Variants in DNAJB6 observed in about 807,000 individuals in gnomAD.
DNAJB6 encodes the protein dnaJ homolog subfamily B member 6.
Under a neutral mutation model 42.7 loss-of-function variants are expected in DNAJB6, and 16 were observed. That is an observed-to-expected ratio of 0.37 (90% CI 0.25 to 0.57). DNAJB6 has a LOEUF of 0.57. Among genes scored for constraint, DNAJB6 ranks in the 20% least tolerant of loss-of-function variants. The probability of loss-of-function intolerance (pLI) is 0.74; values close to 1 mark genes in which losing one functional copy is unlikely to be tolerated. For missense variants in DNAJB6, 347 were observed against 416.8 expected, an observed-to-expected ratio of 0.83 and a Z score of 1.46; for synonymous variants, 170 against 163.5, an observed-to-expected ratio of 1.04 and a Z score of -0.30.
intron 8 of DNAJB6, among the ~76,000 whole-genome samples, chr7:157,393,483 G>A (rs1216700546): frequency 6.6e-6 from 1 of 152,010 alleles, no homozygotes; most frequent in Admixed American, 6.5e-5. Flanking sequence ...CCTCTACATG[G>A]CACTGTTGGG....
intron 8 of DNAJB6, among the ~76,000 whole-genome samples, chr7:157,406,970 C>T (rs1182187265): frequency 1.3e-5 from 2 of 152,206 alleles, no homozygotes; most frequent in East Asian, 1.9e-4. Flanking sequence ...AGGCTGGACC[C>T]GCAGCCTGGC....
At chr7:157,361,511 C>T (rs528047887) in intron 2 of DNAJB6, among the ~76,000 whole-genome samples, 4 of 152,250 alleles carry the variant, frequency 2.6e-5, no homozygotes, top group East Asian at 3.9e-4. Context: ...GTATTCTGGA[C>T]TCCAGCTTTA....
intron 2 of DNAJB6, among the ~76,000 whole-genome samples, chr7:157,361,845 T>C (rs954895555): frequency 5.9e-5 from 9 of 152,238 alleles, no homozygotes; most frequent in Non-Finnish European, 1.2e-4. Flanking sequence ...GTTGGCTCAC[T>C]GCAACCTCTT....
At chr7:157,342,304 A>G (rs1362010976) in intron 1 of DNAJB6, among the ~76,000 whole-genome samples, 1 of 140,150 alleles carries the variant, frequency 7.1e-6, no homozygotes, top group Admixed American at 7.3e-5. Flanking sequence ...AGTAGCTGGG[A>G]TTACAGGCAC....
At chr7:157,364,967 AT>A (rs1799774339) in intron 3 of DNAJB6, among the ~76,000 whole-genome samples, 2 of 152,296 alleles carry the variant, frequency 1.3e-5, no homozygotes, top group South Asian at 2.1e-4. Flanking sequence ...CTTTTTAAAA[AT>A]TGAGAAGGGG....
intron 8 of DNAJB6, among the ~76,000 whole-genome samples, chr7:157,392,264 C>CGTG (rs1801383438): frequency 6.6e-6 from 1 of 151,928 alleles, no homozygotes. Flanking sequence ...GTGTCACCTG[C>CGTG]GTGTGCCTCT....
At chr7:157,396,709 G>A (rs1474821068) in intron 8 of DNAJB6, among the ~76,000 whole-genome samples, 2 of 152,124 alleles carry the variant, frequency 1.3e-5, no homozygotes, top group Non-Finnish European at 2.9e-5. Context: ...TGTAATTTCC[G>A]GCTTTCATAG....
chr7:157,367,426 G>C lies in DNAJB6; in HGVS notation c.289G>C (p.Asp97His). The change falls in exon 5 of 10, where the codon GAT becomes CAT. Residue 97 changes from aspartate to histidine, a missense_variant. Asp to His is a moderately conservative substitution (Grantham distance 81). This residue lies in a region of DNAJB6 where 5 missense variants were observed against 26.7 expected (regional missense o/e 0.19). Coordinates refer to ENST00000262177, the MANE Select transcript of DNAJB6 (RefSeq NM_058246.4). ...FEFGFTFRNP[D>H]DVFREFFGGR... ...ATTTGGCTTCACATTCCGTAACCCA[G>C]ATGATGTCTTCAGGGAATTTTTTGG... 1 of 1,613,946 alleles carries C rather than the reference G, an allele frequency of 6.2e-7. No individual in the cohort carries two copies. Among genetic ancestry groups the C allele is most frequent in the Non-Finnish European group, 8.5e-7 (1 of 1,179,810 alleles).
In DNAJB6 at chr7:157,346,316, TAAAA is replaced by T. The variant is rs60806134; in HGVS notation, c.-27+9190_-27+9193del. On this transcript the variant is annotated intron_variant, in intron 1 of 9. Transcript: ENST00000262177. The stretch of plus-strand genomic sequence containing the variant: ...GGTAGCCCTGCTCTGCAAGGAGTAG[TAAAA>T]AAAAAAAAAAAAAAAAAGTTAAAGA... Among the ~76,000 whole-genome samples the T allele has an allele frequency of 0.014, 1,623 of 117,710 alleles. 85 individuals carry two copies. In the East Asian group the frequency reaches 0.19, roughly 14 times the overall value. The allele number at this position is 117,710 out of a possible 152,430, so 77.2% of individuals were successfully genotyped here.
At chr7:157,400,375 T>TAGGGAGGTCTGAGCAC (rs1554467485) in intron 8 of DNAJB6, among the ~76,000 whole-genome samples, 11 of 152,094 alleles carry the variant, frequency 7.2e-5, no homozygotes, top group South Asian at 2.1e-4. Flanking sequence ...CGCTCGTGTG[T>TAGGGAGGTCTGAGCAC]GGTGTGCCGT....
At chr7:157,352,961 T>C (rs1799071895) in intron 1 of DNAJB6, among the ~76,000 whole-genome samples, 1 of 152,216 alleles carries the variant, frequency 6.6e-6, no homozygotes, top group African/African-American at 2.4e-5. Flanking sequence ...TTCTTAGTGC[T>C]TGCTGGCTTT....
intron 5 of DNAJB6, among the ~76,000 whole-genome samples, chr7:157,370,146 T>G (rs1053292731): frequency 4.7e-5 from 7 of 149,808 alleles, no homozygotes; most frequent in African/African-American, 1.8e-4. Context: ...TTCTTAAGAT[T>G]ATTAAACGGG....
chr7:157,357,491 A>G (rs999762511), intron 1 of DNAJB6, among the ~76,000 whole-genome samples: 1 of 150,928 alleles, frequency 6.6e-6, no homozygotes, highest in Non-Finnish European at 1.5e-5. Context: ...TTGTATTTTT[A>G]GTAGAGACAG....
Position 157,416,407 on chromosome 7 carries a change from A to G in DNAJB6, c.*309A>G, listed in dbSNP as rs989362447. On this transcript the variant is annotated 3_prime_UTR_variant, in exon 10 of 10. Coordinates refer to ENST00000262177, the MANE Select transcript of DNAJB6 (RefSeq NM_058246.4). ...CTTTTCGGCTACTCAACCACTCCGC[A>G]TGCTGCTGGAATATTTCTGGCTTTA... 4.9e-5 allele frequency: 17 copies of G among 345,344 alleles called. No homozygotes were observed. The highest frequency in any genetic ancestry group is 3.1e-4 in the African/African-American group (15 of 48,380). The allele number at this position is 345,344 out of a possible 1,614,324, so 21.4% of individuals were successfully genotyped here.
At chr7:157,375,025 G>C (rs575233565) in intron 5 of DNAJB6, among the ~76,000 whole-genome samples, 1 of 152,324 alleles carries the variant, frequency 6.6e-6, no homozygotes, top group Non-Finnish European at 1.5e-5. Context: ...GATAGTTGCC[G>C]TATCCTTAGT....
intron 5 of DNAJB6, among the ~76,000 whole-genome samples, chr7:157,372,784 T>C (rs1263640934): frequency 6.6e-6 from 1 of 152,180 alleles, no homozygotes; most frequent in East Asian, 1.9e-4. Context: ...GCTGGCCATG[T>C]GAGACCCAGG....
At position 157,380,394 on chromosome 7, in the gene DNAJB6, A is replaced by T. The variant is rs577634089; in HGVS notation, c.347-1852A>T. 8 of 152,344 alleles carry T rather than the reference A, an allele frequency of 5.3e-5. No individual in the cohort carries two copies. In the South Asian group the frequency reaches 1.7e-3, roughly 32 times the overall value. 9.4% of individuals were successfully genotyped at this position (152,344 alleles called of 1,614,324 possible). A position where few individuals can be genotyped will look rare whatever the true frequency, so the allele number is the denominator to read the frequency against. On this transcript the variant is annotated intron_variant, in intron 5 of 9. Coordinates refer to ENST00000262177, the MANE Select transcript of DNAJB6 (RefSeq NM_058246.4). ...TTCAGATAAAAGGTTATGATTTAAC[A>T]TCTTTGCTTTTGTTCTTTCTTGTCT...
intron 5 of DNAJB6, 122 bp downstream of exon 5, chr7:157,367,605 A>G: frequency 1.5e-6 from 1 of 676,560 alleles, no homozygotes; most frequent in Non-Finnish European, 2.7e-6. Flanking sequence ...TCATGCCTGT[A>G]ATCCCAGCAC....
intron 1 of DNAJB6, among the ~76,000 whole-genome samples, chr7:157,345,081 C>T (rs1321962711): frequency 6.6e-6 from 1 of 152,024 alleles, no homozygotes; most frequent in Non-Finnish European, 1.5e-5. Flanking sequence ...GCAACCTCTG[C>T]CTTCCAGGTT....
Sources: gnomAD v4.1 joint callset for allele counts (sites outside exome capture counted in the v4.1 genomes callset) on GRCh38, gnomAD v4.1.1 for gene constraint, gnomAD v4.1.1 regional missense constraint, MANE v1.5 for transcripts, NCBI Gene and HGNC (gene_info 2026-07-23, HGNC 2026-07-21) for gene names.